Variants in KCNQ3 observed in about 807,000 individuals in gnomAD.
KCNQ3 encodes the protein potassium voltage-gated channel subfamily Q member 3, also known as potassium voltage-gated channel subfamily KQT member 3.
KCNQ3 carries 30 observed loss-of-function variants against 92.5 expected under a neutral mutation model. That is an observed-to-expected ratio of 0.32 (90% CI 0.24 to 0.44). KCNQ3 has a LOEUF of 0.44. Among genes scored for constraint, KCNQ3 ranks in the 20% least tolerant of loss-of-function variants. The probability of loss-of-function intolerance (pLI) is 1.00; values close to 1 mark genes in which losing one functional copy is unlikely to be tolerated. For missense variants in KCNQ3, 913 were observed against 1,140.3 expected, an observed-to-expected ratio of 0.80 and a Z score of 2.87; for synonymous variants, 450 against 468.8, an observed-to-expected ratio of 0.96 and a Z score of 0.52.
At chr8:132,133,354 C>CTTTTTTTTTTTTTTTTTTTTT (rs10673519) in intron 13 of KCNQ3, among the ~76,000 whole-genome samples, 1 of 103,478 alleles carries the variant, frequency 9.7e-6, no homozygotes. Context: ...GCTCTCGATT[C>CTTTTTTTTTTTTTTTTTTTTT]TTTTTTTTTT....
intron 1 of KCNQ3, among the ~76,000 whole-genome samples, chr8:132,457,300 C>A (rs1279114836): frequency 6.6e-6 from 1 of 152,128 alleles, no homozygotes; most frequent in Non-Finnish European, 1.5e-5. Context: ...CAAAATGTGT[C>A]CATATAGTTT....
At chr8:132,479,992 A>ACACACACACACC (rs1191748667) in intron 1 of KCNQ3, among the ~76,000 whole-genome samples, 155 bp downstream of exon 1, 2 of 146,974 alleles carry the variant, frequency 1.4e-5, no homozygotes, top group Admixed American at 1.3e-4. Flanking sequence ...ACACACACAC[A>ACACACACACACC]CCCAGGGAAA....
At chr8:132,361,070 C>T (rs1345497843) in intron 1 of KCNQ3, among the ~76,000 whole-genome samples, 1 of 152,164 alleles carries the variant, frequency 6.6e-6, no homozygotes, top group Non-Finnish European at 1.5e-5. Flanking sequence ...ATAACCAATG[C>T]AAGCTTCCCA....
In KCNQ3 at chr8:132,462,284, C is replaced by T. The variant is rs1024243067; in HGVS notation, c.386+17863G>A. ...CGCTATCTCGGCTCACTGCAATCTC[C>T]GCCTCCTGGATTCTCATGCCTCAGC... is the stretch of plus-strand genomic sequence containing the variant. On this transcript the variant is annotated intron_variant, in intron 1 of 14. Coordinates refer to ENST00000388996, the MANE Select transcript of KCNQ3 (RefSeq NM_004519.4). 7.9e-5 allele frequency among the ~76,000 whole-genome samples: 12 copies of T among 151,898 alleles called. No individual in the cohort carries two copies. The South Asian group carries it at 1.0e-3, about 13-fold the overall frequency.
chr8:132,443,760 T>C (rs893888383), intron 1 of KCNQ3, among the ~76,000 whole-genome samples: 3 of 152,094 alleles, frequency 2.0e-5, no homozygotes, highest in African/African-American at 7.2e-5. Context: ...ACAGTGTAGA[T>C]TTCTACGGGG....
rs1471481654 is a variant in KCNQ3, at chr8:132,122,675, C to A, written c.*6587G>T. 6.6e-6 allele frequency: 1 copy of A among 152,106 alleles called. No individual in the cohort carries two copies. The highest frequency in any genetic ancestry group is 2.4e-5 in the African/African-American group (1 of 41,430). 9.4% of individuals were successfully genotyped at this position (152,106 alleles called of 1,614,324 possible). ...AACTATTGTTGTTCTAGAACTTGAC[C>A]ATCCTTCTTTCTGAATATCTCTTAG... is the stretch of plus-strand genomic sequence containing the variant. On this transcript the variant is annotated 3_prime_UTR_variant, in exon 15 of 15. Transcript: ENST00000388996.
chr8:132,454,360 C>T (rs1457346575), intron 1 of KCNQ3, among the ~76,000 whole-genome samples: 1 of 152,220 alleles, frequency 6.6e-6, no homozygotes. Flanking sequence ...AAATTATGTA[C>T]AGTGTGCCCG....
chr8:132,385,203 C>T (rs186563293), intron 1 of KCNQ3, among the ~76,000 whole-genome samples: 4 of 152,362 alleles, frequency 2.6e-5, no homozygotes, highest in Non-Finnish European at 4.4e-5. Context: ...TCAGAGATTG[C>T]GTGAAGTCAG....
intron 1 of KCNQ3, among the ~76,000 whole-genome samples, chr8:132,307,129 T>G (rs149067752): frequency 6.6e-6 from 1 of 152,200 alleles, no homozygotes; most frequent in Admixed American, 6.5e-5. Flanking sequence ...GATGAAAACT[T>G]GGAGCCTGAG....
At chr8:132,378,694 C>T (rs1586969955) in intron 1 of KCNQ3, among the ~76,000 whole-genome samples, 1 of 152,140 alleles carries the variant, frequency 6.6e-6, no homozygotes, top group Admixed American at 6.6e-5. Context: ...CCCAAAACAT[C>T]GATCTTGACT....
At chr8:132,273,119 A>G (rs986713615) in intron 1 of KCNQ3, among the ~76,000 whole-genome samples, 2 of 152,098 alleles carry the variant, frequency 1.3e-5, no homozygotes, top group Non-Finnish European at 2.9e-5. Context: ...TAGGAACTCT[A>G]TGTGGGGGCT....
intron 3 of KCNQ3, 61 bp from the exon 4 acceptor site, chr8:132,180,390 T>C (rs1484704785): frequency 1.9e-6 from 3 of 1,584,602 alleles, no homozygotes; most frequent in African/African-American, 1.3e-5. Context: ...GCGAAAGCAA[T>C]GGCGTCATCA....
chr8:132,181,441 T>C (rs1826771821), intron 3 of KCNQ3, among the ~76,000 whole-genome samples: 1 of 152,242 alleles, frequency 6.6e-6, no homozygotes, highest in African/African-American at 2.4e-5. Context: ...TCATGGGGTT[T>C]GCAGGGCTTC....
At chr8:132,170,848 CAAAA>C (rs796652777) in intron 7 of KCNQ3, among the ~76,000 whole-genome samples, 3 of 63,478 alleles carry the variant, frequency 4.7e-5, no homozygotes. Flanking sequence ...TTCATCTCTA[CAAAA>C]AAAAAAAAAA....
intron 1 of KCNQ3, among the ~76,000 whole-genome samples, chr8:132,365,789 G>A (rs1377326458): frequency 6.6e-6 from 1 of 152,146 alleles, no homozygotes; most frequent in African/African-American, 2.4e-5. Context: ...TAGCATTTTG[G>A]GAGGCTGAGA....
At chr8:132,167,808 A>G (rs1256611538) in intron 8 of KCNQ3, among the ~76,000 whole-genome samples, 1 of 152,334 alleles carries the variant, frequency 6.6e-6, no homozygotes, top group South Asian at 2.1e-4. Flanking sequence ...AACCCAAAAG[A>G]ATGGGCCCAT....
intron 1 of KCNQ3, among the ~76,000 whole-genome samples, chr8:132,246,835 C>T (rs1324138759): frequency 1.3e-5 from 2 of 152,168 alleles, no homozygotes; most frequent in African/African-American, 2.4e-5. Context: ...TATGGACTAT[C>T]AGCACCATGC....
chr8:132,471,955 G>A (rs993454638), intron 1 of KCNQ3, among the ~76,000 whole-genome samples: 4 of 152,066 alleles, frequency 2.6e-5, no homozygotes, highest in African/African-American at 7.2e-5. Context: ...CAAAGGATAT[G>A]AATAGATATT....
rs769845388 is a variant in KCNQ3, at chr8:132,130,000, G to GA, written c.1885-5dup. ...GCTTCTTCCCCATGTCCTGAACCTG[G>GA]AAAATCAAAGGAGCTGTGAATTACC... On this transcript the variant is annotated splice_region_variant and splice_polypyrimidine_tract_variant and intron_variant, in intron 14 of 14. Coordinates refer to ENST00000388996, the MANE Select transcript of KCNQ3 (RefSeq NM_004519.4). This position sits in a 1 kb window ranked among gnomAD's most constrained non-coding sequence, Gnocchi z 5.9. 21 of 1,612,698 alleles carry GA rather than the reference G, an allele frequency of 1.3e-5. No individual in the cohort carries two copies. Among genetic ancestry groups the GA allele is most frequent in the Non-Finnish European group, 1.8e-5 (21 of 1,179,970 alleles).
Sources: gnomAD v4.1 joint callset for allele counts (sites outside exome capture counted in the v4.1 genomes callset) on GRCh38, gnomAD v4.1.1 for gene constraint, Gnocchi (gnomAD v3.1) non-coding constraint, MANE v1.5 for transcripts, NCBI Gene and HGNC (gene_info 2026-07-23, HGNC 2026-07-21) for gene names.